The following GNB4 variants were observed in gnomAD, a reference collection of about 807,000 sequenced individuals.
GNB4 encodes guanine nucleotide-binding protein subunit beta-4.
GNB4 carries 28 observed loss-of-function variants against 45.2 expected under a neutral mutation model. The ratio of observed to expected loss-of-function variants is 0.62; its 90% confidence interval spans 0.46 to 0.85. GNB4 has a LOEUF of 0.85. Among genes scored for constraint, GNB4 ranks in the 40% least tolerant of loss-of-function variants. The pLI, the probability that GNB4 is intolerant of heterozygous loss-of-function variation, is 0.00. For synonymous variants in GNB4, 132 were observed against 143.7 expected (o/e 0.92, Z 0.58); for missense variants, 321 against 425.4 (o/e 0.75, Z 2.16).
chr3:179,516,120 T>C, the GNB4 span, among the ~76,000 whole-genome samples: 7 of 152,326 alleles, frequency 4.6e-5, no homozygotes, highest in Non-Finnish European at 2.9e-5. Flanking sequence ...TTGGGCTCTA[T>C]TCTTGAGAGA....
At chr3:179,492,958 C>T in the GNB4 span, among the ~76,000 whole-genome samples, 1 of 152,282 alleles carries the variant, frequency 6.6e-6, no homozygotes, top group East Asian at 1.9e-4. Context: ...AATATCTTTG[C>T]CAACAGAGAC....
the GNB4 span, among the ~76,000 whole-genome samples, chr3:179,485,525 TA>T: frequency 7.2e-5 from 11 of 152,276 alleles, no homozygotes; most frequent in African/African-American, 2.6e-4. Context: ...CCTGGACATG[TA>T]AACGCCTTAA....
chr3:179,462,909 A>C, the GNB4 span, among the ~76,000 whole-genome samples: 1 of 152,220 alleles, frequency 6.6e-6, no homozygotes, highest in Non-Finnish European at 1.5e-5. Flanking sequence ...TTAAGTAAAA[A>C]GATTCTTACC....
the GNB4 span, among the ~76,000 whole-genome samples, chr3:179,494,277 GAGAA>G: frequency 1.1e-3 from 163 of 142,982 alleles, no homozygotes; most frequent in African/African-American, 2.6e-3. Context: ...AAGAAAGAAA[GAGAA>G]AGAAAGAAAG....
chr3:179,441,773 G>C (rs1161380255), intron 1 of GNB4, among the ~76,000 whole-genome samples: 1 of 150,866 alleles, frequency 6.6e-6, no homozygotes, highest in Non-Finnish European at 1.5e-5. Flanking sequence ...AAAAAATTGG[G>C]ACCATCACCC....
Position 179,400,492 on chromosome 3 carries a change from A to G in GNB4, c.*721T>C, listed in dbSNP as rs1159426692. 1 of 152,252 alleles carries G rather than the reference A, an allele frequency of 6.6e-6. No homozygotes were observed. The highest frequency in any genetic ancestry group is 1.5e-5 in the Non-Finnish European group (1 of 68,040). 9.4% of individuals were successfully genotyped at this position (152,252 alleles called of 1,614,324 possible). A position where few individuals can be genotyped will look rare whatever the true frequency, so the allele number is the denominator to read the frequency against. On this transcript the variant is annotated 3_prime_UTR_variant, in exon 10 of 10. Transcript: ENST00000232564. ...CCAGGCTTTTAAAATGTCAAGAACCATTTATATGCTATTACCTACTTTTTA... is the reference window on the plus strand; with the variant it reads ...CCAGGCTTTTAAAATGTCAAGAACCGTTTATATGCTATTACCTACTTTTTA...
At chr3:179,402,641 TG>T (rs1416292290) in intron 9 of GNB4, among the ~76,000 whole-genome samples, 2 of 152,198 alleles carry the variant, frequency 1.3e-5, no homozygotes, top group Admixed American at 1.3e-4. Flanking sequence ...TTTCGTAAGC[TG>T]GATGGTGGCA....
the GNB4 span, among the ~76,000 whole-genome samples, chr3:179,482,319 C>T: frequency 2.5e-4 from 38 of 152,168 alleles, no homozygotes; most frequent in Non-Finnish European, 4.3e-4. Flanking sequence ...GATAGGCATA[C>T]ATCAGCGAAG....
the GNB4 span, among the ~76,000 whole-genome samples, chr3:179,501,609 G>C: frequency 2.6e-5 from 4 of 151,954 alleles, no homozygotes; most frequent in African/African-American, 9.7e-5. Flanking sequence ...ACAGGCATGA[G>C]CCACCATGTC....
chr3:179,478,764 A>G, the GNB4 span, among the ~76,000 whole-genome samples: 3 of 152,174 alleles, frequency 2.0e-5, no homozygotes, highest in South Asian at 2.1e-4. Context: ...GTAATCCCCA[A>G]TGTTGTAGGT....
In GNB4 at chr3:179,397,827, CCT is replaced by C. The variant is rs1461800178; in HGVS notation, c.*3384_*3385del. The C allele has an allele frequency of 6.6e-6, 1 of 150,618 alleles. No individual in the cohort carries two copies. Among genetic ancestry groups the C allele is most frequent in the Non-Finnish European group, 1.5e-5 (1 of 68,064 alleles). 9.3% of individuals were successfully genotyped at this position (150,618 alleles called of 1,614,324 possible). ...TCTCAGCTCACCAAAACCTCCACCT[CCT>C]GAGTTCAAGTAATTCTCTGCCTCAG... On this transcript the variant is annotated 3_prime_UTR_variant, in exon 10 of 10. Transcript: ENST00000232564.
At chr3:179,512,079 C>G in the GNB4 span, among the ~76,000 whole-genome samples, 1 of 152,204 alleles carries the variant, frequency 6.6e-6, no homozygotes, top group Non-Finnish European at 1.5e-5. Flanking sequence ...TCCTACTGCC[C>G]TAAAACTCTG....
At position 179,399,444 on chromosome 3, in the gene GNB4, C is replaced by G. The variant is rs570202415; in HGVS notation, c.*1769G>C. On this transcript the variant is annotated 3_prime_UTR_variant, in exon 10 of 10. Coordinates refer to ENST00000232564, the MANE Select transcript of GNB4 (RefSeq NM_021629.4). Reference sequence around the variant, plus strand: ...TCGCGAACTCCTGACCTCAAGTGATCTGCCCACCTTGGCCTCCCAAATTGC... The same window carrying G: ...TCGCGAACTCCTGACCTCAAGTGATGTGCCCACCTTGGCCTCCCAAATTGC... 1.3e-5 allele frequency: 2 copies of G among 152,348 alleles called. No homozygotes were observed. The highest frequency in any genetic ancestry group is 3.9e-4 in the East Asian group (2 of 5,192). The allele number at this position is 152,348 out of a possible 1,614,324, so 9.4% of individuals were successfully genotyped here.
chr3:179,502,979 A>G, the GNB4 span, among the ~76,000 whole-genome samples: 1 of 152,230 alleles, frequency 6.6e-6, no homozygotes, highest in Admixed American at 6.5e-5. Context: ...AGCTAGGACT[A>G]TAGGCACATG....
the GNB4 span, among the ~76,000 whole-genome samples, chr3:179,488,613 C>T: frequency 4.6e-5 from 7 of 151,958 alleles, no homozygotes; most frequent in East Asian, 1.9e-4. Flanking sequence ...GATTTGAAAT[C>T]GAAAATGCTC....
chr3:179,447,346 TAAA>T (rs33953450), intron 1 of GNB4, among the ~76,000 whole-genome samples: 1 of 121,352 alleles, frequency 8.2e-6, no homozygotes, highest in Non-Finnish European at 1.7e-5. Flanking sequence ...ATCATGGTAT[TAAA>T]AAAAAAAAAA....
the GNB4 span, among the ~76,000 whole-genome samples, chr3:179,457,281 C>A: frequency 1.3e-5 from 2 of 152,184 alleles, no homozygotes; most frequent in South Asian, 4.1e-4. Context: ...TTCAAAAGCC[C>A]ATTTAAATTC....
At chr3:179,488,882 A>T in the GNB4 span, among the ~76,000 whole-genome samples, 1 of 148,310 alleles carries the variant, frequency 6.7e-6, no homozygotes, top group Admixed American at 6.8e-5. Context: ...TACTTGGGCG[A>T]CTGACGCAGG....
chr3:179,523,990 T>C, the GNB4 span, among the ~76,000 whole-genome samples: 1 of 152,134 alleles, frequency 6.6e-6, no homozygotes, highest in Non-Finnish European at 1.5e-5. Context: ...TGGGGAGTTT[T>C]AAGAGGTTTA....
Sources: gnomAD v4.1 joint callset for allele counts (sites outside exome capture counted in the v4.1 genomes callset) on GRCh38, gnomAD v4.1.1 for gene constraint, MANE v1.5 for transcripts, NCBI Gene and HGNC (gene_info 2026-07-23, HGNC 2026-07-21) for gene names.